The following FAAH variants were observed in gnomAD, a reference collection of about 807,000 sequenced individuals.
FAAH encodes the protein fatty-acid amide hydrolase 1.
A neutral mutation model predicts 69.7 loss-of-function variants in FAAH; 63 were observed. That is an observed-to-expected ratio of 0.90 (90% confidence interval 0.74 to 1.12). The LOEUF is 1.12. FAAH is among the 50% of genes most tolerant of loss of function. FAAH has a pLI of 0.00. For synonymous variants in FAAH, 305 were observed against 324.2 expected, an observed-to-expected ratio of 0.94 and a Z score of 0.64; for missense variants, 680 against 755.0, an observed-to-expected ratio of 0.90 and a Z score of 1.16.
At chr1:46,412,360 C>A in intron 13 of FAAH, 109 bp downstream of exon 13, 3 of 937,984 alleles carry the variant, frequency 3.2e-6, no homozygotes, top group Non-Finnish European at 5.0e-6. Flanking sequence ...CCTCTCGGGG[C>A]CCACAGTCTG....
rs925056114 is a variant in FAAH, at chr1:46,413,202, G to A, written c.1593G>A (p.Trp531Ter). 1.9e-6 allele frequency: 3 copies of A among 1,614,000 alleles called. No homozygotes were observed. In the African/African-American group the frequency reaches 4.0e-5, roughly 22 times the overall value. Residue 531 changes from tryptophan to a stop codon, truncating the protein, a stop_gained, in exon 14 of 15, where the codon TGG (tryptophan) becomes TGA (stop). Coordinates refer to ENST00000243167, the MANE Select transcript of FAAH (RefSeq NM_001441.3). LOFTEE classifies it high-confidence loss of function. ...EHYRGYFGDI[W>*]DKMLQKGMKK... ...ACAGGGGCTACTTTGGGGATATCTG[G>A]GACAAGATGCTGCAGAAGGTGAGGA...
chr1:46,413,393 G>C, intron 14 of FAAH, 54 bp from the exon 15 acceptor site: 2 of 1,613,446 alleles, frequency 1.2e-6, no homozygotes, highest in Non-Finnish European at 1.7e-6. Context: ...CCTGGGCCTG[G>C]GGGTGGGGAG....
Position 46,405,228 on chromosome 1 carries a change from C to T in FAAH, c.444+80C>T. On this transcript the variant is annotated intron_variant, in intron 3 of 14. Coordinates refer to ENST00000243167, the MANE Select transcript of FAAH (RefSeq NM_001441.3). This position sits in a 1 kb window ranked among gnomAD's most constrained non-coding sequence, Gnocchi z 4.1. ...GCTCTGCATCTTGGGTCATTTTGGG[C>T]CCTTAGAGGAGGTATCAGGTCCAGA... 6 of 1,612,100 alleles carry T rather than the reference C, an allele frequency of 3.7e-6. No individual in the cohort carries two copies. The highest frequency in any genetic ancestry group is 1.1e-5 in the South Asian group (1 of 90,930).
intron 7 of FAAH, 63 bp downstream of exon 7, chr1:46,406,431 G>T: frequency 3.1e-6 from 5 of 1,608,548 alleles, no homozygotes; most frequent in Non-Finnish European, 4.2e-6. Context: ...CCCAGGCCTT[G>T]TGGGCAGGCC....
rs188890214 is a variant in FAAH, at chr1:46,407,875, G to A, written c.952-584G>A. Among the ~76,000 whole-genome samples the A allele has an allele frequency of 2.4e-4, 37 of 152,330 alleles. 1 individual carries two copies. In the East Asian group the frequency reaches 4.0e-3, roughly 17 times the overall value. On this transcript the variant is annotated intron_variant, in intron 7 of 14. Coordinates refer to ENST00000243167, the MANE Select transcript of FAAH (RefSeq NM_001441.3). The stretch of plus-strand genomic sequence containing the variant: ...ACCTCTTGCCCTCGCCCCAGCCAAG[G>A]TTGCCTTGGAAAGGCTGAGGGTTTG...
Position 46,410,892 on chromosome 1 carries a change from T to C in FAAH, c.1316+38T>C. The C allele has an allele frequency of 1.2e-6, 2 of 1,612,966 alleles. No individual in the cohort carries two copies. The highest frequency in any genetic ancestry group is 1.7e-6 in the Non-Finnish European group (2 of 1,179,418). ...CTGTGTCTAGCTGCCGGCCCCTGCC[T>C]GTCCTGATCCGAGTCTGGGTCTGGG... On this transcript the variant is annotated intron_variant, in intron 11 of 14. Transcript: ENST00000243167. This position sits in a 1 kb window ranked among gnomAD's most constrained non-coding sequence, Gnocchi z 4.9.
chr1:46,408,531 ATGAGGCG>A lies in FAAH; in HGVS notation c.1025_1031del (p.Met342ArgfsTer65). 1.2e-6 allele frequency: 2 copies of A among 1,614,150 alleles called. No individual in the cohort carries two copies. Among genetic ancestry groups the A allele is most frequent in the Non-Finnish European group, 1.7e-6 (2 of 1,180,008 alleles). On this transcript the variant is annotated frameshift_variant, in exon 8 of 15. Transcript: ENST00000243167. LOFTEE classifies it high-confidence loss of function. ...CAACTATACCATGCCCTCCCCGGCC[ATGAGGCG>A]GGCCGTGCTGGAGACCAAACAGAGC...
Position 46,411,311 on chromosome 1 carries a change from T to C in FAAH, c.1317-301T>C, listed in dbSNP as rs78219253. ...CGTCCCATGGACTCACTCCTTCCCT[T>C]ACCACCAGGCTTCAGGACTGGCAGC... On this transcript the variant is annotated intron_variant, in intron 11 of 14. Transcript: ENST00000243167. The surrounding 1 kb of genome is among the most constrained non-coding windows in gnomAD (Gnocchi z 4.8). 1.9e-3 allele frequency among the ~76,000 whole-genome samples: 297 copies of C among 152,310 alleles called. 4 individuals are homozygous for C. The Middle Eastern group carries it at 0.037, about 19-fold the overall frequency.
chr1:46,410,485 G>T lies in FAAH; in HGVS notation c.1263G>T (p.Leu421=). 2 of 1,614,030 alleles carry T rather than the reference G, an allele frequency of 1.2e-6. No individual in the cohort carries two copies. The highest frequency in any genetic ancestry group is 1.6e-4 in the Middle Eastern group (1 of 6,062). The change falls in exon 10 of 15, where the codon CTG becomes CTT. Residue 421 remains leucine (L), a synonymous_variant. Coordinates refer to ENST00000243167, the MANE Select transcript of FAAH (RefSeq NM_001441.3). This position sits in a 1 kb window ranked among gnomAD's most constrained non-coding sequence, Gnocchi z 4.9. ...PQWLKGLLAF[L]VKPLLPRLSA... ...GGCTTAAAGGACTGCTGGCCTTCCT[G>T]GTGAAGCCTCTGGTGAGGGCACAAG...
intron 1 of FAAH, among the ~76,000 whole-genome samples, chr1:46,395,261 G>A (rs912937841): frequency 2.0e-5 from 3 of 152,234 alleles, no homozygotes; most frequent in African/African-American, 7.2e-5. Flanking sequence ...TTGTGCATTT[G>A]GATCCTAAGA....
chr1:46,396,799 T>C (rs1439637555), intron 1 of FAAH, among the ~76,000 whole-genome samples: 1 of 152,206 alleles, frequency 6.6e-6, no homozygotes, highest in African/African-American at 2.4e-5. Context: ...GTCTACTTCT[T>C]TTTACATAGA....
chr1:46,396,675 G>A (rs529339062), intron 1 of FAAH, among the ~76,000 whole-genome samples: 1 of 152,314 alleles, frequency 6.6e-6, no homozygotes, highest in Non-Finnish European at 1.5e-5. Context: ...ATTAAACCTT[G>A]AGTCAACACA....
intron 2 of FAAH, among the ~76,000 whole-genome samples, chr1:46,403,144 T>G (rs1206954830): frequency 6.6e-6 from 1 of 151,322 alleles, no homozygotes; most frequent in African/African-American, 2.4e-5. Context: ...CCGTCTTTTT[T>G]TTTGAGATGG....
At chr1:46,397,884 G>A (rs182996748) in intron 1 of FAAH, among the ~76,000 whole-genome samples, 105 of 148,658 alleles carry the variant, frequency 7.1e-4, no homozygotes, top group African/African-American at 2.6e-3. Flanking sequence ...AATTTCTGTA[G>A]TTTTAGTATA....
intron 1 of FAAH, among the ~76,000 whole-genome samples, chr1:46,394,856 G>A (rs1322132155): frequency 6.6e-6 from 1 of 152,272 alleles, no homozygotes; most frequent in Non-Finnish European, 1.5e-5. Context: ...GTGACAACCA[G>A]TGGGATGCCA....
At chr1:46,409,726 G>A (rs1664871470) in intron 9 of FAAH, among the ~76,000 whole-genome samples, 1 of 152,142 alleles carries the variant, frequency 6.6e-6, no homozygotes, top group Non-Finnish European at 1.5e-5. Context: ...CAGAGAACAG[G>A]CCTGCAAAGG....
chr1:46,395,802 G>T (rs554067433), intron 1 of FAAH, among the ~76,000 whole-genome samples: 2 of 152,312 alleles, frequency 1.3e-5, no homozygotes, highest in South Asian at 4.1e-4. Flanking sequence ...TCGTGGAGAG[G>T]AACAGGAGAG....
rs772490803 is a variant in FAAH at position 46,405,047 on chromosome 1, ACCT to A, written c.347_349del (p.Ser116del). 1 of 1,613,824 alleles carries A rather than the reference ACCT, an allele frequency of 6.2e-7. No individual in the cohort carries two copies. The highest frequency in any genetic ancestry group is 8.5e-7 in the Non-Finnish European group (1 of 1,179,964). On this transcript the variant is annotated inframe_deletion, in exon 3 of 15. Coordinates refer to ENST00000243167, the MANE Select transcript of FAAH (RefSeq NM_001441.3). The surrounding 1 kb of genome is among the most constrained non-coding windows in gnomAD (Gnocchi z 4.1). ...AGTGAACAAAGGGACCAACTGTGTG[ACCT>A]CCTATCTGGCTGACTGTGAGACTCA...
Position 46,413,446 on chromosome 1 carries a change from G to T in FAAH, c.1612-1G>T. 1 of 1,614,118 alleles carries T rather than the reference G, an allele frequency of 6.2e-7. No individual in the cohort carries two copies. Among genetic ancestry groups the T allele is most frequent in the South Asian group, 1.1e-5 (1 of 91,072 alleles). ...TATCCTGATGCCTGTATCCCCTATA[G>T]GGCATGAAGAAGAGTGTGGGGCTGC... On this transcript the variant is annotated splice_acceptor_variant, in intron 14 of 14. Coordinates refer to ENST00000243167, the MANE Select transcript of FAAH (RefSeq NM_001441.3). LOFTEE classifies it high-confidence loss of function.
Sources: gnomAD v4.1 joint callset for allele counts (sites outside exome capture counted in the v4.1 genomes callset) on GRCh38, gnomAD v4.1.1 for gene constraint, Gnocchi (gnomAD v3.1) non-coding constraint, MANE v1.5 for transcripts, NCBI Gene and HGNC (gene_info 2026-07-23, HGNC 2026-07-21) for gene names.